The following GAB2 variants were observed in gnomAD, a reference collection of about 807,000 sequenced individuals.
The protein encoded by GAB2 is GRB2-associated-binding protein 2.
Under a neutral mutation model 65.5 loss-of-function variants are expected in GAB2, and 26 were observed. The observed-to-expected ratio is 0.40, with a 90% confidence interval of 0.29 to 0.55. The LOEUF (loss-of-function observed/expected upper bound fraction) is 0.55. Ranked by LOEUF, GAB2 falls within the 20% of genes least tolerant of loss-of-function variation. The pLI is 0.53. For missense variants in GAB2, 884 were observed against 875.8 expected (o/e 1.01, Z -0.12); for synonymous variants, 321 against 329.6 (o/e 0.97, Z 0.28).
rs769446240 is a variant in GAB2, at chr11:78,280,864, C to T, written c.113G>A (p.Arg38Gln). Reference protein sequence around the residue: ...KKRWFILRSGRMSGDPDVLEY... With the variant: ...KKRWFILRSGQMSGDPDVLEY... ...CAGAACATCTGGGTCACCGCTCATCCGGCCACTCCGCAGGATAAACCAGCG... is the reference window on the plus strand; with the variant it reads ...CAGAACATCTGGGTCACCGCTCATCTGGCCACTCCGCAGGATAAACCAGCG... The change falls in exon 2 of 10, where the codon CGG (arginine) becomes CAG (glutamine). Residue 38 changes from arginine to glutamine, a missense_variant. Transcript: ENST00000361507. The T allele has an allele frequency of 5.5e-5, 89 of 1,613,944 alleles. No individual in the cohort carries two copies. Among genetic ancestry groups the T allele is most frequent in the Non-Finnish European group, 6.7e-5 (79 of 1,179,926 alleles).
chr11:78,411,788 T>C (rs1158861423), intron 1 of GAB2, among the ~76,000 whole-genome samples: 1 of 151,392 alleles, frequency 6.6e-6, no homozygotes, highest in Admixed American at 6.6e-5. Context: ...TCCCAGCACT[T>C]TGGGAGGCCA....
chr11:78,314,468 C>T (rs1052011184), intron 1 of GAB2, among the ~76,000 whole-genome samples: 4 of 152,124 alleles, frequency 2.6e-5, no homozygotes, highest in African/African-American at 7.2e-5. Flanking sequence ...TGAAGTCAGT[C>T]CCCTAGGTTT....
chr11:78,243,659 T>C (rs1383343367), intron 3 of GAB2, among the ~76,000 whole-genome samples: 3 of 150,824 alleles, frequency 2.0e-5, no homozygotes, highest in Non-Finnish European at 3.0e-5. Context: ...GCTCACATGG[T>C]GAAACCCTGT....
At chr11:78,246,316 GTGTC>G (rs1280934282) in intron 3 of GAB2, among the ~76,000 whole-genome samples, 1 of 152,112 alleles carries the variant, frequency 6.6e-6, no homozygotes, top group Non-Finnish European at 1.5e-5. Context: ...TTTGAAATCT[GTGTC>G]TGATAATTCC....
chr11:78,354,564 T>G (rs1856329362), intron 1 of GAB2, among the ~76,000 whole-genome samples: 1 of 152,096 alleles, frequency 6.6e-6, no homozygotes, highest in Non-Finnish European at 1.5e-5. Context: ...CTAGGCTTTC[T>G]CTAACACCAC....
intron 1 of GAB2, among the ~76,000 whole-genome samples, chr11:78,300,524 C>CA (rs1491460683): frequency 4.5e-5 from 6 of 134,816 alleles, no homozygotes; most frequent in African/African-American, 2.2e-4. Context: ...TATAAAAAAA[C>CA]AAAAAAACAA....
At chr11:78,304,861 C>T (rs1023318926) in intron 1 of GAB2, among the ~76,000 whole-genome samples, 2 of 152,312 alleles carry the variant, frequency 1.3e-5, no homozygotes, top group African/African-American at 4.8e-5. Context: ...ACCTTCCCTC[C>T]CCTCCATGCC....
At chr11:78,280,464 C>G in intron 2 of GAB2, 137 bp downstream of exon 2, 1 of 743,122 alleles carries the variant, frequency 1.3e-6, no homozygotes, top group East Asian at 2.5e-5. Context: ...TTTGGCCAAC[C>G]CCTTCACACT....
intron 1 of GAB2, among the ~76,000 whole-genome samples, chr11:78,341,229 A>G (rs1201161774): frequency 6.6e-6 from 1 of 152,216 alleles, no homozygotes; most frequent in Admixed American, 6.5e-5. Flanking sequence ...TTCATTCAAC[A>G]TTTATTGAAT....
intron 1 of GAB2, among the ~76,000 whole-genome samples, chr11:78,307,839 T>A (rs1222383322): frequency 2.6e-5 from 4 of 152,214 alleles, no homozygotes; most frequent in Non-Finnish European, 5.9e-5. Context: ...GGTTAAGTGA[T>A]ACCCAGATAG....
At chr11:78,323,160 C>T (rs570537189) in intron 1 of GAB2, among the ~76,000 whole-genome samples, 31 of 152,190 alleles carry the variant, frequency 2.0e-4, no homozygotes, top group Admixed American at 7.2e-4. Flanking sequence ...GAATCACATA[C>T]TTTGCAGCAG....
At chr11:78,251,843 T>G (rs763158699) in intron 2 of GAB2, among the ~76,000 whole-genome samples, 1 of 152,252 alleles carries the variant, frequency 6.6e-6, no homozygotes, top group Non-Finnish European at 1.5e-5. Context: ...GAACAGTGAC[T>G]GTGATGTTGT....
chr11:78,321,832 A>T (rs1855729732), intron 1 of GAB2, among the ~76,000 whole-genome samples: 6 of 151,996 alleles, frequency 3.9e-5, no homozygotes, highest in Admixed American at 3.9e-4. Context: ...ACCCAGAAAT[A>T]GGGCCACACA....
At chr11:78,338,102 G>A (rs999617710) in intron 1 of GAB2, among the ~76,000 whole-genome samples, 1 of 152,188 alleles carries the variant, frequency 6.6e-6, no homozygotes, top group African/African-American at 2.4e-5. Context: ...CTTCAGGAGA[G>A]CAGGATGAAG....
At chr11:78,409,745 T>C (rs1009553009) in intron 1 of GAB2, among the ~76,000 whole-genome samples, 1 of 152,150 alleles carries the variant, frequency 6.6e-6, no homozygotes, top group African/African-American at 2.4e-5. Flanking sequence ...ATAAAAGAAT[T>C]ATATATATCA....
At chr11:78,363,590 T>C (rs1183563529) in intron 1 of GAB2, among the ~76,000 whole-genome samples, 1 of 150,948 alleles carries the variant, frequency 6.6e-6, no homozygotes, top group Non-Finnish European at 1.5e-5. Context: ...TATTTTCTTT[T>C]TTTTTTTTTT....
At chr11:78,287,068 G>A (rs1344556929) in intron 1 of GAB2, among the ~76,000 whole-genome samples, 3 of 152,166 alleles carry the variant, frequency 2.0e-5, no homozygotes, top group South Asian at 4.1e-4. Flanking sequence ...TTCCAAGGAG[G>A]TAAGGCTGAT....
At chr11:78,224,201 G>A (rs952473544) in intron 5 of GAB2, among the ~76,000 whole-genome samples, 1 of 152,204 alleles carries the variant, frequency 6.6e-6, no homozygotes, top group South Asian at 2.1e-4. Flanking sequence ...TAAATCTAGA[G>A]TATAAAATAT....
chr11:78,369,110 C>T (rs1856535196), intron 1 of GAB2, among the ~76,000 whole-genome samples: 1 of 149,840 alleles, frequency 6.7e-6, no homozygotes, highest in Non-Finnish European at 1.5e-5. Context: ...TGCACTCCAG[C>T]CTGGGTGACA....
Sources: gnomAD v4.1 joint callset for allele counts (sites outside exome capture counted in the v4.1 genomes callset) on GRCh38, gnomAD v4.1.1 for gene constraint, MANE v1.5 for transcripts, NCBI Gene and HGNC (gene_info 2026-07-23, HGNC 2026-07-21) for gene names.